MYO5B: variants seen among roughly 807,000 people sequenced by gnomAD.
MYO5B encodes myosin VB, also known as unconventional myosin-Vb.
In MYO5B, 143 loss-of-function variants were observed where a neutral mutation model predicts 229.3. That is an observed-to-expected ratio of 0.62 (90% CI 0.54 to 0.72). The LOEUF (loss-of-function observed/expected upper bound fraction) is 0.72, where lower values mean the gene tolerates loss of function less well. Among genes scored for constraint, MYO5B ranks in the 30% least tolerant of loss-of-function variants. The pLI is 0.00. For synonymous variants in MYO5B, 918 were observed against 885.2 expected, an observed-to-expected ratio of 1.04 and a Z score of -0.66; for missense variants, 2,321 against 2,331.0, an observed-to-expected ratio of 1.00 and a Z score of 0.09.
intron 19 of MYO5B, 116 bp from the exon 20 acceptor site, chr18:49,904,944 C>T (rs1186909383): frequency 1.6e-6 from 2 of 1,274,712 alleles, no homozygotes; most frequent in African/African-American, 3.0e-5. Flanking sequence ...TACCTGGACA[C>T]ACCCAGGGGA....
intron 1 of MYO5B, among the ~76,000 whole-genome samples, chr18:50,168,227 C>T (rs544678200): frequency 9.8e-5 from 15 of 152,314 alleles, no homozygotes; most frequent in East Asian, 7.7e-4. Context: ...GCCTCCCTCC[C>T]GTCACTGCCA....
chr18:50,164,922 T>C (rs1206816126), intron 1 of MYO5B, among the ~76,000 whole-genome samples: 1 of 152,226 alleles, frequency 6.6e-6, no homozygotes. Context: ...GTATTCAGTG[T>C]TGACACATTA....
At chr18:50,014,812 A>AT (rs1284334957) in intron 4 of MYO5B, among the ~76,000 whole-genome samples, 4 of 152,108 alleles carry the variant, frequency 2.6e-5, no homozygotes, top group African/African-American at 4.8e-5. Context: ...CCATTAGGCA[A>AT]TTTTTTACCG....
intron 25 of MYO5B, among the ~76,000 whole-genome samples, chr18:49,876,066 C>T (rs1715736304): frequency 1.3e-5 from 2 of 152,232 alleles, no homozygotes; most frequent in Non-Finnish European, 2.9e-5. Flanking sequence ...TATATTCCTC[C>T]TGTGTGAGCC....
rs557696214 is a variant in MYO5B, at chr18:49,917,006, A to G, written c.2091-4833T>C. Among the ~76,000 whole-genome samples the G allele has an allele frequency of 5.9e-5, 9 of 152,322 alleles. No homozygotes were observed. In the South Asian group the frequency reaches 1.7e-3, roughly 28 times the overall value. Reference sequence around the variant, plus strand: ...GGGTGTGTGTTCACTGCAATCACCTAAAGCTGGAACAGCCCACTCATGAAG... The same window carrying G: ...GGGTGTGTGTTCACTGCAATCACCTGAAGCTGGAACAGCCCACTCATGAAG... On this transcript the variant is annotated intron_variant, in intron 17 of 39. Coordinates refer to ENST00000285039, the MANE Select transcript of MYO5B (RefSeq NM_001080467.3).
rs2024545955 is a variant in MYO5B at position 49,877,978 on chromosome 18, A to G, written c.3277-96T>C. 2.7e-6 allele frequency: 4 copies of G among 1,469,878 alleles called. No individual in the cohort carries two copies. In the Admixed American group the frequency reaches 5.0e-5, roughly 18 times the overall value. 91.1% of individuals were successfully genotyped at this position (1,469,878 alleles called of 1,614,324 possible). ...AGGCCCTAGAGTTATCCTTCTGCCT[A>G]ATTTGTCAACAAGAATAGGTATCAT... is the stretch of plus-strand genomic sequence containing the variant. On this transcript the variant is annotated intron_variant, in intron 24 of 39. Transcript: ENST00000285039.
intron 14 of MYO5B, among the ~76,000 whole-genome samples, chr18:49,950,282 G>A (rs1307232102): frequency 6.6e-6 from 1 of 152,192 alleles, no homozygotes; most frequent in Non-Finnish European, 1.5e-5. Context: ...AGCTGGTGAG[G>A]GGGAAAGCTA....
chr18:49,929,912 C>G (rs563007725), intron 16 of MYO5B, among the ~76,000 whole-genome samples: 22 of 152,296 alleles, frequency 1.4e-4, no homozygotes, highest in African/African-American at 5.1e-4. Context: ...CTCATCATTC[C>G]TGCTCCTCTC....
intron 1 of MYO5B, among the ~76,000 whole-genome samples, chr18:50,182,680 A>G (rs192453030): frequency 2.0e-5 from 3 of 152,344 alleles, no homozygotes; most frequent in Non-Finnish European, 4.4e-5. Flanking sequence ...CATTCCATAG[A>G]CTTTGGCAAG....
At chr18:49,858,186 T>C (rs1479126076) in intron 29 of MYO5B, among the ~76,000 whole-genome samples, 3 of 152,246 alleles carry the variant, frequency 2.0e-5, no homozygotes, top group African/African-American at 7.2e-5. Context: ...TGCCTCATTA[T>C]ACCTCTCCAT....
chr18:50,152,203 C>T (rs543790394), intron 1 of MYO5B, among the ~76,000 whole-genome samples: 8 of 152,296 alleles, frequency 5.3e-5, no homozygotes, highest in South Asian at 2.1e-4. Flanking sequence ...TCCCCCACCC[C>T]GTGTTTTCTG....
At chr18:50,079,080 A>T (rs1292025349) in intron 1 of MYO5B, among the ~76,000 whole-genome samples, 1 of 152,254 alleles carries the variant, frequency 6.6e-6, no homozygotes, top group African/African-American at 2.4e-5. Context: ...GGGCATAGTG[A>T]CTGCAAGGGC....
intron 2 of MYO5B, among the ~76,000 whole-genome samples, chr18:50,052,814 G>A (rs1001745466): frequency 3.9e-5 from 6 of 152,140 alleles, no homozygotes; most frequent in Admixed American, 6.5e-5. Flanking sequence ...TTAGAGGCAC[G>A]GAGAGAAGCT....
intron 31 of MYO5B, among the ~76,000 whole-genome samples, chr18:49,851,553 C>T (rs1361097339): frequency 1.3e-5 from 2 of 152,316 alleles, no homozygotes; most frequent in East Asian, 3.9e-4. Context: ...CCTAAAATTA[C>T]AAAAGCTTAC....
intron 22 of MYO5B, among the ~76,000 whole-genome samples, chr18:49,893,417 A>G (rs1467880254): frequency 2.0e-5 from 3 of 152,172 alleles, no homozygotes; most frequent in African/African-American, 7.2e-5. Flanking sequence ...TCTGCTCCCA[A>G]GGGTAGACAA....
chr18:50,120,540 G>T (rs1599035500), intron 1 of MYO5B, among the ~76,000 whole-genome samples: 1 of 152,286 alleles, frequency 6.6e-6, no homozygotes, highest in East Asian at 1.9e-4. Flanking sequence ...AGGAGCATTT[G>T]TCTACCGTCC....
intron 1 of MYO5B, among the ~76,000 whole-genome samples, chr18:50,079,326 A>T (rs114214522): frequency 0.013 from 1,965 of 152,310 alleles, 35 homozygotes; most frequent in African/African-American, 0.045. Flanking sequence ...CATAACTCAT[A>T]TTCTAGGAAA....
chr18:49,899,957 G>T lies in MYO5B; in HGVS notation c.2811+2637C>A, dbSNP rs141503118. On this transcript the variant is annotated intron_variant, in intron 21 of 39. Transcript: ENST00000285039. ...TTTTTTAAATAGGCCATTTAAATCT[G>T]CTTTTCTTTGATTTTTCAAGCACGT... Among the ~76,000 whole-genome samples the T allele has an allele frequency of 4.9e-3, 748 of 151,974 alleles. 6 individuals carry two copies. Among genetic ancestry groups the T allele is most frequent in the African/African-American group, 0.017 (702 of 41,426 alleles).
intron 1 of MYO5B, among the ~76,000 whole-genome samples, chr18:50,185,045 C>A (rs1036766862): frequency 1.3e-5 from 2 of 151,954 alleles, no homozygotes; most frequent in Non-Finnish European, 2.9e-5. Flanking sequence ...ACCACACACA[C>A]TCCAGCCTGG....
Sources: allele counts gnomAD v4.1 joint callset (sites outside exome capture counted in the v4.1 genomes callset), GRCh38; gene constraint gnomAD v4.1.1; transcripts MANE v1.5; gene names NCBI Gene and HGNC (gene_info 2026-07-23, HGNC 2026-07-21).